Variants in HMCN1 observed in about 807,000 individuals in gnomAD.
The protein encoded by HMCN1 is hemicentin 1.
A neutral mutation model predicts 625.9 loss-of-function variants in HMCN1; 321 were observed. The ratio of observed to expected loss-of-function variants is 0.51; its 90% CI spans 0.47 to 0.56. The LOEUF (loss-of-function observed/expected upper bound fraction) is 0.56, where lower values mean the gene tolerates loss of function less well. Among genes scored for constraint, HMCN1 ranks in the 20% least tolerant of loss-of-function variants. The probability of loss-of-function intolerance (pLI) is 0.00; values close to 1 mark genes in which losing one functional copy is unlikely to be tolerated. For missense variants in HMCN1, 6,588 were observed against 6,887.3 expected, an observed-to-expected ratio of 0.96 and a Z score of 1.54; for synonymous variants, 2,425 against 2,417.6, an observed-to-expected ratio of 1.00 and a Z score of -0.09.
intron 1 of HMCN1, among the ~76,000 whole-genome samples, chr1:185,785,787 T>C (rs1320511037): frequency 2.0e-5 from 3 of 152,332 alleles, no homozygotes; most frequent in Middle Eastern, 3.4e-3. Flanking sequence ...AAATCAAACA[T>C]GTCATTGACA....
chr1:185,903,345 A>T (rs1665922374), intron 4 of HMCN1, among the ~76,000 whole-genome samples: 1 of 151,758 alleles, frequency 6.6e-6, no homozygotes, highest in South Asian at 2.1e-4. Flanking sequence ...TCCCCTCTAG[A>T]GTCCCCACTG....
intron 57 of HMCN1, among the ~76,000 whole-genome samples, chr1:186,085,416 C>T (rs1659415537): frequency 6.6e-6 from 1 of 152,096 alleles, no homozygotes; most frequent in African/African-American, 2.4e-5. Flanking sequence ...AGCCTTTCTT[C>T]TGAGCATGCT....
At chr1:185,803,783 A>G (rs1402475522) in intron 1 of HMCN1, among the ~76,000 whole-genome samples, 1 of 152,098 alleles carries the variant, frequency 6.6e-6, no homozygotes, top group Non-Finnish European at 1.5e-5. Flanking sequence ...GTGTAAATTT[A>G]GGTAAGCCAA....
At chr1:185,985,462 G>A (rs902639886) in intron 19 of HMCN1, among the ~76,000 whole-genome samples, 2 of 152,132 alleles carry the variant, frequency 1.3e-5, no homozygotes, top group African/African-American at 4.8e-5. Context: ...GGATTCTGAG[G>A]CTGAATTTTC....
Position 186,189,639 on chromosome 1 carries a change from T to C in HMCN1, c.16669T>C (p.Tyr5557His). 1 of 1,612,788 alleles carries C rather than the reference T, an allele frequency of 6.2e-7. No individual in the cohort carries two copies. Among genetic ancestry groups the C allele is most frequent in the South Asian group, 1.1e-5 (1 of 90,886 alleles). The change falls in exon 107 of 107, where the codon TAC (tyrosine) becomes CAC (histidine). Residue 5557 changes from tyrosine to histidine, a missense_variant. Physicochemically the swap from Tyr to His is moderately conservative, Grantham distance 83. Around this residue, in one of 3 missense-constraint regions of HMCN1, gnomAD observed 1,954 missense variants for 2,013.1 expected, o/e 0.97. Transcript: ENST00000271588. ...TCAAGATTTAATCCGGCTGGTTGCA[T>C]ACACACAGGATGGAGTGATGCATCC... is the stretch of plus-strand genomic sequence containing the variant. ...TNQDLIRLVA[Y>H]TQDGVMHPRT...
intron 49 of HMCN1, 98 bp from the exon 50 acceptor site, chr1:186,067,736 G>A (rs942087932): frequency 2.5e-6 from 2 of 789,664 alleles, no homozygotes; most frequent in Non-Finnish European, 4.3e-6. Flanking sequence ...TAACTGCTAG[G>A]GAATGAAATT....
rs1046244813 is a variant in HMCN1, at chr1:186,065,242, T to A, written c.7518T>A (p.Asn2506Lys). 2.3e-5 allele frequency: 37 copies of A among 1,611,310 alleles called. No individual in the cohort carries two copies. Among genetic ancestry groups the A allele is most frequent in the Non-Finnish European group, 2.9e-5 (34 of 1,179,468 alleles). Reference sequence around the variant, plus strand: ...CTCAGAAATGGATTTTTACAGGGAATCCAGTGCCAGAAATTACATGGCACA... The same window carrying A: ...CTCAGAAATGGATTTTTACAGGGAAACCAGTGCCAGAAATTACATGGCACA... ...SVTLTCEVTG[N>K]PVPEITWHKD... Residue 2506 changes from asparagine to lysine, a missense_variant, in exon 49 of 107, where the codon AAT becomes AAA. By Grantham distance (94) the Asn-to-Lys change is moderately conservative (BLOSUM62 0). Transcript: ENST00000271588.
chr1:185,768,268 T>C lies in HMCN1; in HGVS notation c.268+33221T>C, dbSNP rs550266050. 3.3e-5 allele frequency among the ~76,000 whole-genome samples: 5 copies of C among 152,342 alleles called. No individual in the cohort carries two copies. In the South Asian group the frequency reaches 6.2e-4, roughly 19 times the overall value. ...GTTGGCTTCTTACATTTAATGAATA[T>C]TTTCATGTTTTGATTTGCATTTTAT... On this transcript the variant is annotated intron_variant, in intron 1 of 106. Transcript: ENST00000271588.
chr1:185,989,691 T>C lies in HMCN1; in HGVS notation c.3208+44T>C, dbSNP rs762227425. The C allele has an allele frequency of 4.4e-5, 71 of 1,597,738 alleles. No homozygotes were observed. In the South Asian group the frequency reaches 7.1e-4, roughly 16 times the overall value. On this transcript the variant is annotated intron_variant, in intron 21 of 106. Coordinates refer to ENST00000271588, the MANE Select transcript of HMCN1 (RefSeq NM_031935.3). Reference sequence around the variant, plus strand: ...ATGGTTTTTATTGACATTGTCTATCTGTGCCAAAACTCACAGTTCTTTCCC... The same window carrying C: ...ATGGTTTTTATTGACATTGTCTATCCGTGCCAAAACTCACAGTTCTTTCCC...
intron 1 of HMCN1, among the ~76,000 whole-genome samples, chr1:185,749,116 A>G (rs1654622520): frequency 6.6e-6 from 1 of 152,216 alleles, no homozygotes; most frequent in Non-Finnish European, 1.5e-5. Flanking sequence ...AAGCCTGGAT[A>G]TAGAGTTGGG....
rs536054388 is a variant in HMCN1 at position 186,069,658 on chromosome 1, T to C, written c.7880-5T>C. On this transcript the variant is annotated splice_polypyrimidine_tract_variant and splice_region_variant and intron_variant, in intron 50 of 106. Transcript: ENST00000271588. The stretch of plus-strand genomic sequence containing the variant: ...GAGACTCTTTGATGTCCCATGATTT[T>C]ACAGGAGGCAGAACTCTGCAGATCC... The C allele has an allele frequency of 6.2e-7, 1 of 1,600,600 alleles. No individual in the cohort carries two copies. The highest frequency in any genetic ancestry group is 1.1e-5 in the South Asian group (1 of 89,586).
chr1:186,123,983 T>C (rs939748680), intron 81 of HMCN1, among the ~76,000 whole-genome samples: 1 of 152,142 alleles, frequency 6.6e-6, no homozygotes, highest in Non-Finnish European at 1.5e-5. Flanking sequence ...GGTTGAATAA[T>C]TTAGCCAAAA....
At chr1:185,814,786 G>A (rs1659743777) in intron 1 of HMCN1, among the ~76,000 whole-genome samples, 2 of 149,210 alleles carry the variant, frequency 1.3e-5, no homozygotes, top group Admixed American at 6.6e-5. Context: ...CCACCTCCTG[G>A]GTTCAAGCGA....
In HMCN1 at chr1:186,117,013, C is replaced by G. The variant is rs1481398040; in HGVS notation, c.11581C>G (p.Leu3861Val). 1 of 1,613,062 alleles carries G rather than the reference C, an allele frequency of 6.2e-7. No individual in the cohort carries two copies. The highest frequency in any genetic ancestry group is 2.2e-5 in the East Asian group (1 of 44,860). The stretch of plus-strand genomic sequence containing the variant: ...TTCTAGGCTCCTTTCTTCAGGTTCA[C>G]TAGTAATTATTTCCCCTTCTGTGGA... ...NSYRLLSSGS[L>V]VIISPSVDDT... Residue 3861 changes from leucine (L) to valine (V), a missense_variant, in exon 76 of 107, where the codon CTA becomes GTA. Physicochemically the swap from Leu to Val is conservative, Grantham distance 32. This residue lies in a region of HMCN1 where 4,628 missense variants were observed against 4,853.1 expected (regional missense o/e 0.95). Transcript: ENST00000271588.
intron 28 of HMCN1, among the ~76,000 whole-genome samples, chr1:186,002,272 C>A (rs1039752808): frequency 3.9e-5 from 6 of 152,008 alleles, no homozygotes; most frequent in African/African-American, 1.4e-4. Context: ...TAATGGTAAT[C>A]ATAAATTTAA....
intron 1 of HMCN1, among the ~76,000 whole-genome samples, chr1:185,789,561 G>T (rs1657853545): frequency 6.6e-6 from 1 of 152,118 alleles, no homozygotes; most frequent in Non-Finnish European, 1.5e-5. Flanking sequence ...ACAAAAATAG[G>T]ATCATAAATT....
At chr1:186,027,785 T>A (rs1295124690) in intron 36 of HMCN1, among the ~76,000 whole-genome samples, 1 of 152,218 alleles carries the variant, frequency 6.6e-6, no homozygotes, top group South Asian at 2.1e-4. Context: ...AGGAACTCTC[T>A]TGGGTCTGTA....
At chr1:185,855,624 A>T (rs1349740995) in intron 2 of HMCN1, among the ~76,000 whole-genome samples, 1 of 152,190 alleles carries the variant, frequency 6.6e-6, no homozygotes, top group Non-Finnish European at 1.5e-5. Flanking sequence ...AGCAAACTGA[A>T]CCTTCTCCAA....
intron 104 of HMCN1, among the ~76,000 whole-genome samples, chr1:186,180,031 G>T (rs1652845685): frequency 6.6e-6 from 1 of 152,106 alleles, no homozygotes; most frequent in Admixed American, 6.6e-5. Flanking sequence ...TAGCTTACCA[G>T]AATTGTTGAC....
Sources: gnomAD v4.1 joint callset for allele counts (sites outside exome capture counted in the v4.1 genomes callset) on GRCh38, gnomAD v4.1.1 for gene constraint, gnomAD v4.1.1 regional missense constraint, MANE v1.5 for transcripts, NCBI Gene and HGNC (gene_info 2026-07-23, HGNC 2026-07-21) for gene names.